Variants in ABTB3 observed in about 807,000 individuals in gnomAD.
ABTB3 encodes ankyrin repeat and BTB domain containing 3, also known as ankyrin repeat- and BTB/POZ domain-containing protein 3.
chr12:107,595,984 G>A, the ABTB3 span, among the ~76,000 whole-genome samples: 2,924 of 151,914 alleles, frequency 0.019, 92 homozygotes, highest in African/African-American at 0.065. Flanking sequence ...TATTGTGTGT[G>A]TATATATAAT....
At chr12:107,514,785 C>T in the ABTB3 span, among the ~76,000 whole-genome samples, 1 of 152,174 alleles carries the variant, frequency 6.6e-6, no homozygotes, top group African/African-American at 2.4e-5. Flanking sequence ...TCTCTATAAT[C>T]TAACTCTCAA....
the ABTB3 span, among the ~76,000 whole-genome samples, chr12:107,482,947 T>G: frequency 8.6e-5 from 3 of 34,954 alleles, no homozygotes; most frequent in Admixed American, 3.5e-4. Flanking sequence ...TTTCTTTCTT[T>G]CTTTCTTTCT....
At chr12:107,466,947 T>C in the ABTB3 span, among the ~76,000 whole-genome samples, 1 of 152,238 alleles carries the variant, frequency 6.6e-6, no homozygotes, top group African/African-American at 2.4e-5. Flanking sequence ...CATATCGTCT[T>C]TCTGAAAGTC....
chr12:107,392,999 T>C, the ABTB3 span, among the ~76,000 whole-genome samples: 43,109 of 151,966 alleles, frequency 0.28, 6,337 homozygotes, highest in Admixed American at 0.35. Flanking sequence ...AGGGTGAGTC[T>C]TGGAGCAGAA....
the ABTB3 span, among the ~76,000 whole-genome samples, chr12:107,413,946 C>A: frequency 6.6e-6 from 1 of 152,136 alleles, no homozygotes; most frequent in African/African-American, 2.4e-5. Context: ...CATTGTGGAT[C>A]CCTAAAAGGA....
At chr12:107,358,447 T>C in the ABTB3 span, among the ~76,000 whole-genome samples, 1 of 152,114 alleles carries the variant, frequency 6.6e-6, no homozygotes, top group Non-Finnish European at 1.5e-5. Flanking sequence ...CTGGAGTGCA[T>C]TGCGGAGGGG....
the ABTB3 span, among the ~76,000 whole-genome samples, chr12:107,410,286 C>T: frequency 3.4e-5 from 5 of 147,478 alleles, no homozygotes; most frequent in Non-Finnish European, 5.9e-5. Flanking sequence ...GGGTTCTAGG[C>T]AGAGGAAAAA....
chr12:107,332,435 G>A, the ABTB3 span, among the ~76,000 whole-genome samples: 908 of 152,228 alleles, frequency 6.0e-3, 8 homozygotes, highest in African/African-American at 0.021. Context: ...TGGGAGAGAT[G>A]GATAGACTTG....
At chr12:107,552,298 A>AT in the ABTB3 span, among the ~76,000 whole-genome samples, 3 of 152,088 alleles carry the variant, frequency 2.0e-5, no homozygotes, top group South Asian at 2.1e-4. Flanking sequence ...AGTCCCTATA[A>AT]TTTTTTTCAT....
chr12:107,319,468 G>A, the ABTB3 span: 2 of 1,604,478 alleles, frequency 1.2e-6, no homozygotes, highest in African/African-American at 1.3e-5. Flanking sequence ...GCCTGGCCGC[G>A]CACTGTACGG....
chr12:107,470,075 G>A, the ABTB3 span, among the ~76,000 whole-genome samples: 11 of 141,964 alleles, frequency 7.7e-5, no homozygotes, highest in African/African-American at 1.3e-4. Context: ...GTCTTGCTTC[G>A]TAACCCAGGC....
chr12:107,491,857 G>A, the ABTB3 span, among the ~76,000 whole-genome samples: 1 of 151,442 alleles, frequency 6.6e-6, no homozygotes, highest in Non-Finnish European at 1.5e-5. Flanking sequence ...GTTGAACCCA[G>A]GCGTCAGCCT....
the ABTB3 span, among the ~76,000 whole-genome samples, chr12:107,383,162 T>G: frequency 6.6e-6 from 1 of 152,222 alleles, no homozygotes; most frequent in African/African-American, 2.4e-5. Flanking sequence ...CTCTTCGTTT[T>G]GGGGCAAGAT....
the ABTB3 span, among the ~76,000 whole-genome samples, chr12:107,419,612 G>T: frequency 2.6e-5 from 4 of 152,090 alleles, no homozygotes; most frequent in African/African-American, 9.7e-5. Flanking sequence ...GTTACCCCCA[G>T]CTGCTTAACC....
chr12:107,366,515 T>C, the ABTB3 span, among the ~76,000 whole-genome samples: 5 of 152,132 alleles, frequency 3.3e-5, no homozygotes, highest in African/African-American at 9.7e-5. Flanking sequence ...TGGAGATTGA[T>C]TAGTCATGCC....
the ABTB3 span, among the ~76,000 whole-genome samples, chr12:107,405,148 C>A: frequency 1.2e-4 from 19 of 152,160 alleles, no homozygotes; most frequent in Non-Finnish European, 2.1e-4. Flanking sequence ...CCTGTCTGGA[C>A]CATGGCATAC....
the ABTB3 span, among the ~76,000 whole-genome samples, chr12:107,418,510 C>T: frequency 6.6e-6 from 1 of 152,252 alleles, no homozygotes; most frequent in African/African-American, 2.4e-5. Context: ...ACTCCAGCCC[C>T]AGCCCACCCG....
the ABTB3 span, among the ~76,000 whole-genome samples, chr12:107,563,277 C>T: frequency 6.6e-6 from 1 of 152,196 alleles, no homozygotes; most frequent in Non-Finnish European, 1.5e-5. Flanking sequence ...AGCAAATTCA[C>T]AGAACTCAAT....
At chr12:107,628,616 TTTTTC>T in the ABTB3 span, among the ~76,000 whole-genome samples, 3 of 152,236 alleles carry the variant, frequency 2.0e-5, no homozygotes, top group South Asian at 2.1e-4. Context: ...GAGGGCTTTT[TTTTTC>T]TTTTCTTAAA....
Sources: allele counts gnomAD v4.1 joint callset (sites outside exome capture counted in the v4.1 genomes callset), GRCh38; gene constraint gnomAD v4.1.1; transcripts MANE v1.5; gene names NCBI Gene and HGNC (gene_info 2026-07-23, HGNC 2026-07-21).